PCSK2: variants seen among roughly 807,000 people sequenced by gnomAD.
The protein encoded by PCSK2 is proprotein convertase subtilisin/kexin type 2.
In PCSK2, 14 loss-of-function variants were observed where a neutral mutation model predicts 69.7. The observed-to-expected ratio is 0.20, with a 90% CI of 0.13 to 0.31. The LOEUF (loss-of-function observed/expected upper bound fraction) is 0.31. Ranked by LOEUF, PCSK2 falls within the 10% of genes least tolerant of loss-of-function variation. The probability of loss-of-function intolerance (pLI) is 1.00; values close to 1 mark genes in which losing one functional copy is unlikely to be tolerated. For missense variants in PCSK2, 544 were observed against 842.5 expected, an observed-to-expected ratio of 0.65 and a Z score of 4.39; for synonymous variants, 307 against 320.7, an observed-to-expected ratio of 0.96 and a Z score of 0.46.
chr20:17,374,837 C>A (rs2030877152), intron 5 of PCSK2, among the ~76,000 whole-genome samples: 1 of 152,146 alleles, frequency 6.6e-6, no homozygotes, highest in South Asian at 2.1e-4. Flanking sequence ...TCATTCTAGA[C>A]AAGAAAAATA....
chr20:17,235,097 C>G (rs1021846222), intron 1 of PCSK2, among the ~76,000 whole-genome samples: 1 of 152,112 alleles, frequency 6.6e-6, no homozygotes, highest in African/African-American at 2.4e-5. Flanking sequence ...GGTTTATATG[C>G]GAGACACATA....
intron 5 of PCSK2, among the ~76,000 whole-genome samples, chr20:17,374,243 T>G (rs2123239517): frequency 6.6e-6 from 1 of 152,336 alleles, no homozygotes; most frequent in South Asian, 2.1e-4. Flanking sequence ...GAGACATGAC[T>G]GTCAGGTGAG....
In PCSK2 at chr20:17,428,423, T is replaced by G. The variant is rs924409723; in HGVS notation, c.621-1012T>G. ...GAAAGAAAATGTGTGTGTGTGTGTG[T>G]GTATTTTCAATCCTTGCATGTGATA... On this transcript the variant is annotated intron_variant, in intron 6 of 11. Coordinates refer to ENST00000262545, the MANE Select transcript of PCSK2 (RefSeq NM_002594.5). Among the ~76,000 whole-genome samples, 5 of 152,254 alleles carry G rather than the reference T, an allele frequency of 3.3e-5. No individual in the cohort carries two copies. In the East Asian group the frequency reaches 5.8e-4, roughly 18 times the overall value.
chr20:17,412,357 C>A (rs1429879473), intron 6 of PCSK2, among the ~76,000 whole-genome samples: 1 of 152,066 alleles, frequency 6.6e-6, no homozygotes, highest in Non-Finnish European at 1.5e-5. Context: ...GAGCTGAAAA[C>A]CATGGCACGA....
intron 5 of PCSK2, among the ~76,000 whole-genome samples, chr20:17,391,906 G>GGAAGGA (rs1282817841): frequency 3.0e-5 from 3 of 100,010 alleles, no homozygotes; most frequent in East Asian, 3.2e-4. Context: ...GAAAGAGAGA[G>GGAAGGA]AGGAAGGAAG....
intron 2 of PCSK2, among the ~76,000 whole-genome samples, chr20:17,269,578 T>C (rs533436883): frequency 6.6e-6 from 1 of 152,184 alleles, no homozygotes; most frequent in African/African-American, 2.4e-5. Context: ...GGTTCACACA[T>C]GAACTTATGA....
intron 8 of PCSK2, among the ~76,000 whole-genome samples, chr20:17,437,825 G>A (rs1188609539): frequency 6.6e-6 from 1 of 152,210 alleles, no homozygotes; most frequent in Non-Finnish European, 1.5e-5. Flanking sequence ...TGATTCCTGG[G>A]GCCTCAGCCG....
rs1340936 is a variant in PCSK2 at position 17,284,534 on chromosome 20, G to T, written c.282+24190G>T. On this transcript the variant is annotated intron_variant, in intron 2 of 11. Coordinates refer to ENST00000262545, the MANE Select transcript of PCSK2 (RefSeq NM_002594.5). ...ACAACAAATTTAGTTTAAAGATCTC[G>T]CTGGGCTTTATAGCAATTTTAGAAT... 2.6e-5 allele frequency among the ~76,000 whole-genome samples: 4 copies of T among 152,120 alleles called. No individual in the cohort carries two copies. The East Asian group carries it at 5.8e-4, about 22-fold the overall frequency.
intron 2 of PCSK2, among the ~76,000 whole-genome samples, chr20:17,289,202 T>G (rs780135971): frequency 8.5e-5 from 13 of 152,208 alleles, no homozygotes; most frequent in Non-Finnish European, 1.6e-4. Context: ...CTTGTTAGAT[T>G]AGTCAATATC....
intron 2 of PCSK2, among the ~76,000 whole-genome samples, chr20:17,330,442 A>G (rs1247292539): frequency 6.6e-6 from 1 of 151,990 alleles, no homozygotes. Flanking sequence ...AAATAAAAAA[A>G]AATTAGTTGG....
intron 8 of PCSK2, among the ~76,000 whole-genome samples, chr20:17,451,486 A>G (rs193219275): frequency 0.014 from 2,172 of 152,284 alleles, 15 homozygotes; most frequent in Non-Finnish European, 0.02. Context: ...CTTATCAATC[A>G]GGAGGCTAAC....
chr20:17,226,843 G>T (rs1221220604), upstream of PCSK2: 8 of 141,948 alleles, frequency 5.6e-5, no homozygotes, highest in East Asian at 2.1e-4. Flanking sequence ...AGGCGGAGGC[G>T]GCCGGGCCGG....
chr20:17,447,937 T>C (rs866354052), intron 8 of PCSK2, among the ~76,000 whole-genome samples: 1 of 152,218 alleles, frequency 6.6e-6, no homozygotes. Flanking sequence ...ATACTTTGCA[T>C]TTATATGTAA....
intron 10 of PCSK2, chr20:17,464,718 T>C (rs2033070391): frequency 6.5e-6 from 1 of 152,720 alleles, no homozygotes; most frequent in South Asian, 2.1e-4. Context: ...TTCCATGTTG[T>C]TCAGAGTACC....
intron 2 of PCSK2, among the ~76,000 whole-genome samples, chr20:17,349,112 T>TC (rs1349110160): frequency 3.9e-5 from 6 of 152,172 alleles, no homozygotes; most frequent in African/African-American, 1.4e-4. Flanking sequence ...GTGTCAGCCA[T>TC]CACTAGGGTT....
At position 17,402,850 on chromosome 20, in the gene PCSK2, G is replaced by C. The variant is rs185201813; in HGVS notation, c.544-6413G>C. On this transcript the variant is annotated intron_variant, in intron 5 of 11. Transcript: ENST00000262545. ...TGGGCTCCTGTAGTCCCAGCTACTC[G>C]GGAGGCTGAGGCGGGAGAATGGCAT... 9.0e-3 allele frequency among the ~76,000 whole-genome samples: 1,364 copies of C among 151,968 alleles called. 14 individuals carry two copies. Among genetic ancestry groups the C allele is most frequent in the South Asian group, 0.038 (183 of 4,810 alleles).
chr20:17,255,595 C>A (rs1363022610), intron 1 of PCSK2, among the ~76,000 whole-genome samples: 1 of 152,214 alleles, frequency 6.6e-6, no homozygotes, highest in Non-Finnish European at 1.5e-5. Context: ...CCCACCTCAG[C>A]CTCCCAAAGT....
intron 11 of PCSK2, among the ~76,000 whole-genome samples, chr20:17,466,417 G>A (rs2269033): frequency 1.3e-5 from 2 of 151,874 alleles, no homozygotes; most frequent in East Asian, 1.9e-4. Flanking sequence ...AACACAATTC[G>A]TTTATTCATT....
In PCSK2 at chr20:17,410,949, T is replaced by C. The variant is rs16999134; in HGVS notation, c.620+1610T>C. 9.8e-3 allele frequency among the ~76,000 whole-genome samples: 1,500 copies of C among 152,288 alleles called. 30 individuals are homozygous for C. Among genetic ancestry groups the C allele is most frequent in the African/African-American group, 0.033 (1,369 of 41,562 alleles). ...CTACTTGCTGTCTTTCTGTAACTAG[T>C]AGGTACTAAATTAGTCTTTGATGGA... On this transcript the variant is annotated intron_variant, in intron 6 of 11. Transcript: ENST00000262545.
Sources: gnomAD v4.1 joint callset for allele counts (sites outside exome capture counted in the v4.1 genomes callset) on GRCh38, gnomAD v4.1.1 for gene constraint, MANE v1.5 for transcripts, NCBI Gene and HGNC (gene_info 2026-07-23, HGNC 2026-07-21) for gene names.